The following SLC12A1 variants were observed in gnomAD, a reference collection of about 807,000 sequenced individuals.
The protein encoded by SLC12A1 is solute carrier family 12 member 1.
In SLC12A1, 89 loss-of-function variants were observed where a neutral mutation model predicts 130.4. That is an observed-to-expected ratio of 0.68 (90% CI 0.58 to 0.81). SLC12A1 has a LOEUF of 0.81. SLC12A1 is among the 40% of genes least tolerant of loss of function. SLC12A1 has a pLI of 0.00. For synonymous variants in SLC12A1, 499 were observed against 460.0 expected (o/e 1.08, Z -1.09); for missense variants, 1,310 against 1,336.4 (o/e 0.98, Z 0.31).
intron 15 of SLC12A1, among the ~76,000 whole-genome samples, chr15:48,252,757 G>C (rs1474022075): frequency 6.6e-6 from 1 of 152,070 alleles, no homozygotes; most frequent in Non-Finnish European, 1.5e-5. Context: ...TCAGGGAATG[G>C]TATTTTGGGC....
chr15:48,218,613 G>A (rs2041157763), intron 2 of SLC12A1, among the ~76,000 whole-genome samples: 1 of 151,978 alleles, frequency 6.6e-6, no homozygotes, highest in Non-Finnish European at 1.5e-5. Context: ...CATTTTAGAG[G>A]AAGAAAAAAT....
chr15:48,235,980 C>T (rs950821814), intron 9 of SLC12A1, among the ~76,000 whole-genome samples: 19 of 152,082 alleles, frequency 1.2e-4, no homozygotes, highest in Admixed American at 7.2e-4. Flanking sequence ...CAAAGGAGGG[C>T]GGGAAATGTA....
At chr15:48,284,960 A>G in intron 20 of SLC12A1, 146 bp from the exon 21 acceptor site, 1 of 536,330 alleles carries the variant, frequency 1.9e-6, no homozygotes, top group Middle Eastern at 5.3e-4. Flanking sequence ...AGAAGATAAT[A>G]TATAAAAATC....
At chr15:48,235,049 C>A (rs1207269902) in intron 9 of SLC12A1, 45 bp downstream of exon 9, 1 of 1,603,402 alleles carries the variant, frequency 6.2e-7, no homozygotes, top group Admixed American at 1.7e-5. Flanking sequence ...TGGTGGTACA[C>A]TTGGTGGGTA....
rs777380116 is a variant in SLC12A1, at chr15:48,303,596, A to G, written c.*711A>G. On this transcript the variant is annotated 3_prime_UTR_variant, in exon 27 of 27. Coordinates refer to ENST00000380993, the MANE Select transcript of SLC12A1 (RefSeq NM_000338.3). ...TATTAACTAGATTAGAAGACACCAT[A>G]TACTCCAATAAAATGAAATATATTC... 3.3e-5 allele frequency: 5 copies of G among 152,256 alleles called. No homozygotes were observed. The highest frequency in any genetic ancestry group is 7.3e-5 in the Non-Finnish European group (5 of 68,036). The allele number at this position is 152,256 out of a possible 1,614,324, so 9.4% of individuals were successfully genotyped here. A position where few individuals can be genotyped will look rare whatever the true frequency, so the allele number is the denominator to read the frequency against.
At chr15:48,220,224 T>G (rs1442091466) in intron 2 of SLC12A1, among the ~76,000 whole-genome samples, 1 of 151,334 alleles carries the variant, frequency 6.6e-6, no homozygotes, top group Non-Finnish European at 1.5e-5. Context: ...GAAGCACAGA[T>G]CCTCTACTTA....
intron 14 of SLC12A1, among the ~76,000 whole-genome samples, chr15:48,250,353 T>C (rs1377218893): frequency 6.6e-6 from 1 of 152,204 alleles, no homozygotes; most frequent in Non-Finnish European, 1.5e-5. Context: ...TTCCACTCAT[T>C]GAGGGCCTGA....
At chr15:48,242,167 G>A (rs1028176475) in intron 10 of SLC12A1, among the ~76,000 whole-genome samples, 3 of 152,192 alleles carry the variant, frequency 2.0e-5, no homozygotes, top group African/African-American at 4.8e-5. Flanking sequence ...GAAAATATGT[G>A]TACTCACCTG....
chr15:48,280,280 C>G (rs1415758113), intron 20 of SLC12A1, among the ~76,000 whole-genome samples: 1 of 151,810 alleles, frequency 6.6e-6, no homozygotes, highest in Non-Finnish European at 1.5e-5. Flanking sequence ...ATTTATAAAG[C>G]ACTTGAAAAT....
At chr15:48,289,596 T>C (rs61999065) in intron 23 of SLC12A1, among the ~76,000 whole-genome samples, 1 of 152,076 alleles carries the variant, frequency 6.6e-6, no homozygotes, top group Non-Finnish European at 1.5e-5. Context: ...ACCTAGATGG[T>C]ATAGCCTACT....
At chr15:48,238,241 A>G (rs988371558) in intron 9 of SLC12A1, among the ~76,000 whole-genome samples, 1 of 152,190 alleles carries the variant, frequency 6.6e-6, no homozygotes, top group Non-Finnish European at 1.5e-5. Flanking sequence ...AAGGAAGCTC[A>G]CATTTGTCTA....
chr15:48,225,764 G>A, intron 4 of SLC12A1: 1 of 274,338 alleles, frequency 3.6e-6, no homozygotes, highest in Non-Finnish European at 5.6e-6. Flanking sequence ...GTCCTTTGAT[G>A]TTTACCCTAG....
At chr15:48,250,094 G>A (rs1455887930) in intron 14 of SLC12A1, among the ~76,000 whole-genome samples, 1 of 152,164 alleles carries the variant, frequency 6.6e-6, no homozygotes, top group Admixed American at 6.5e-5. Context: ...ATAATTACCT[G>A]CTGAGTGGAG....
intron 11 of SLC12A1, among the ~76,000 whole-genome samples, chr15:48,246,491 G>A (rs1450755813): frequency 6.6e-6 from 1 of 152,192 alleles, no homozygotes; most frequent in African/African-American, 2.4e-5. Context: ...AATTAAGAAT[G>A]TGAGAATGGC....
At chr15:48,292,625 AGTTCAAG>A (rs1434765887) in intron 24 of SLC12A1, among the ~76,000 whole-genome samples, 4 of 152,210 alleles carry the variant, frequency 2.6e-5, no homozygotes, top group Admixed American at 2.6e-4. Context: ...GGGAAGTCCC[AGTTCAAG>A]GTGCTAAATT....
intron 17 of SLC12A1, among the ~76,000 whole-genome samples, chr15:48,267,028 A>G (rs1445453376): frequency 6.6e-6 from 1 of 152,188 alleles, no homozygotes; most frequent in Non-Finnish European, 1.5e-5. Context: ...TACACAGGGA[A>G]AAGTGGTATA....
At chr15:48,250,654 A>G (rs1231993144) in intron 14 of SLC12A1, among the ~76,000 whole-genome samples, 5 of 135,976 alleles carry the variant, frequency 3.7e-5, no homozygotes, top group Non-Finnish European at 7.8e-5. Flanking sequence ...ACATGGATAC[A>G]CAAACCCAGA....
chr15:48,286,108 C>T (rs550303193), intron 21 of SLC12A1, among the ~76,000 whole-genome samples: 1 of 152,290 alleles, frequency 6.6e-6, no homozygotes, highest in Non-Finnish European at 1.5e-5. Flanking sequence ...GGTTGACCGG[C>T]GCCAACCCTT....
Position 48,226,521 on chromosome 15 carries a change from T to C in SLC12A1, c.674T>C (p.Ile225Thr). The stretch of plus-strand genomic sequence containing the variant: ...CTTCTTTCCACCATGGTAACTTCTA[T>C]TACTGGGTTGTCAACTTCTGCGATA... ...IILLSTMVTS[I>T]TGLSTSAIAT... The change falls in exon 5 of 27, where the codon ATT becomes ACT. Residue 225 changes from isoleucine (I) to threonine (T), a missense_variant. Physicochemically the swap from Ile to Thr is moderately conservative, Grantham distance 89. Transcript: ENST00000380993. The C allele has an allele frequency of 3.1e-6, 5 of 1,609,330 alleles. No homozygotes were observed. Among genetic ancestry groups the C allele is most frequent in the Non-Finnish European group, 4.2e-6 (5 of 1,178,222 alleles).
Sources: gnomAD v4.1 joint callset for allele counts (sites outside exome capture counted in the v4.1 genomes callset) on GRCh38, gnomAD v4.1.1 for gene constraint, MANE v1.5 for transcripts, NCBI Gene and HGNC (gene_info 2026-07-23, HGNC 2026-07-21) for gene names.